The following PURG variants were observed in gnomAD, a reference collection of about 807,000 sequenced individuals.
The protein encoded by PURG is purine rich element binding protein G.
PURG carries 3 observed loss-of-function variants against 24.3 expected under a neutral mutation model. That is an observed-to-expected ratio of 0.12 (90% CI 0.06 to 0.32). The LOEUF (loss-of-function observed/expected upper bound fraction) is 0.32. PURG is among the 10% of genes least tolerant of loss of function. The pLI, the probability that PURG is intolerant of heterozygous loss-of-function variation, is 1.00. For synonymous variants in PURG, 180 were observed against 173.1 expected (o/e 1.04, Z -0.31); for missense variants, 371 against 439.1 (o/e 0.84, Z 1.39).
downstream of PURG, among the ~76,000 whole-genome samples, chr8:31,027,609 T>C (rs1337876957): frequency 1.3e-5 from 2 of 151,720 alleles, no homozygotes; most frequent in Non-Finnish European, 3.0e-5. Flanking sequence ...GTTTATTTTA[T>C]GGAAAATATT....
intron 1 of PURG, among the ~76,000 whole-genome samples, chr8:31,001,524 T>G (rs1810535412): frequency 6.6e-6 from 1 of 152,208 alleles, no homozygotes; most frequent in African/African-American, 2.4e-5. Flanking sequence ...TTGTCCATGT[T>G]GTGAGTACCC....
At chr8:31,020,174 G>T (rs577603981) in intron 1 of PURG, among the ~76,000 whole-genome samples, 1 of 152,290 alleles carries the variant, frequency 6.6e-6, no homozygotes, top group East Asian at 1.9e-4. Context: ...TACGTACAGA[G>T]AGGATACAGG....
chr8:31,002,559 C>CTGCA (rs2129775030), intron 1 of PURG, among the ~76,000 whole-genome samples: 1 of 152,316 alleles, frequency 6.6e-6, no homozygotes, highest in South Asian at 2.1e-4. Flanking sequence ...TCTCGGCTCA[C>CTGCA]TGCAACCTCT....
chr8:30,996,185 A>C (rs1810423756), exon 2 of PURG: 1 of 166,658 alleles, frequency 6.0e-6, no homozygotes, highest in African/African-American at 2.4e-5. Flanking sequence ...ACACTAAAGC[A>C]GTTACAGATT....
At position 31,032,854 on chromosome 8, in the gene PURG, C is replaced by T. The variant is rs767185289; in HGVS notation, c.-6-66G>A. Reference sequence around the variant, plus strand: ...GGGTGTTGAGAACAATCGCAGACGCCCCTCGGCCTGACCGCCCCGCCGCCG... The same window carrying T: ...GGGTGTTGAGAACAATCGCAGACGCTCCTCGGCCTGACCGCCCCGCCGCCG... On this transcript the variant is annotated intron_variant, in intron 1 of 1. Transcript: ENST00000523392. The surrounding 1 kb of genome is among the most constrained non-coding windows in gnomAD (Gnocchi z 5.9). 4 of 1,185,886 alleles carry T rather than the reference C, an allele frequency of 3.4e-6. No homozygotes were observed. Among genetic ancestry groups the T allele is most frequent in the Non-Finnish European group, 4.2e-6 (4 of 946,010 alleles). The allele number at this position is 1,185,886 out of a possible 1,614,324, so 73.5% of individuals were successfully genotyped here. A position where few individuals can be genotyped will look rare whatever the true frequency, so the allele number is the denominator to read the frequency against.
At chr8:31,010,114 A>T (rs978935865) in intron 1 of PURG, among the ~76,000 whole-genome samples, 2 of 152,210 alleles carry the variant, frequency 1.3e-5, no homozygotes, top group African/African-American at 2.4e-5. Context: ...TAAAAAATAA[A>T]AAAATAATAA....
intron 1 of PURG, among the ~76,000 whole-genome samples, chr8:31,001,245 C>A (rs1435435586): frequency 1.3e-5 from 2 of 152,148 alleles, no homozygotes. Context: ...AATAGCTTTT[C>A]CCTGGTAATA....
chr8:31,027,778 A>G (rs1188858118), downstream of PURG, among the ~76,000 whole-genome samples: 1 of 151,742 alleles, frequency 6.6e-6, no homozygotes, highest in Non-Finnish European at 1.5e-5. Flanking sequence ...AGCAACAGTT[A>G]TCTAGTTTTC....
At chr8:31,006,801 G>T (rs773144354) in intron 1 of PURG, among the ~76,000 whole-genome samples, 6 of 152,150 alleles carry the variant, frequency 3.9e-5, no homozygotes, top group Non-Finnish European at 7.4e-5. Flanking sequence ...CTGAATAAAC[G>T]AATGTTCTTG....
rs1219278779 is a variant in PURG, at chr8:31,024,800, C to CA, written c.864+7118dup. 3.3e-5 allele frequency among the ~76,000 whole-genome samples: 5 copies of CA among 151,352 alleles called. No individual in the cohort carries two copies. In the East Asian group the frequency reaches 7.7e-4, roughly 23 times the overall value. On this transcript the variant is annotated intron_variant, in intron 1 of 1. Transcript: ENST00000339382. ...ATTTATACCATTATTTTGATAAAGA[C>CA]AAAAAAAACAACATAAGCTTTTTTT...
chr8:31,001,803 T>A (rs1810542377), intron 1 of PURG, among the ~76,000 whole-genome samples: 1 of 152,194 alleles, frequency 6.6e-6, no homozygotes, highest in East Asian at 1.9e-4. Context: ...TAGGGTAGTA[T>A]TACTCACTCT....
intron 1 of PURG, among the ~76,000 whole-genome samples, chr8:31,022,794 T>A (rs1005568992): frequency 6.6e-6 from 1 of 152,222 alleles, no homozygotes; most frequent in African/African-American, 2.4e-5. Context: ...ATCATTGGAA[T>A]AAACCACATT....
intron 1 of PURG, among the ~76,000 whole-genome samples, chr8:30,999,514 G>A (rs1423070647): frequency 6.6e-6 from 1 of 151,826 alleles, no homozygotes; most frequent in Non-Finnish European, 1.5e-5. Context: ...GGAATTACCA[G>A]TAGGAAAAAA....
chr8:31,020,430 TTAGG>T (rs1338114571), intron 1 of PURG, among the ~76,000 whole-genome samples: 2 of 152,198 alleles, frequency 1.3e-5, no homozygotes, highest in East Asian at 3.8e-4. Flanking sequence ...TTAATAATTC[TTAGG>T]TAGAGAAATT....
intron 1 of PURG, among the ~76,000 whole-genome samples, chr8:31,010,769 A>G (rs945783217): frequency 6.6e-6 from 1 of 152,202 alleles, no homozygotes; most frequent in Admixed American, 6.5e-5. Context: ...CAGGAGTTTC[A>G]TCAGGGTAAA....
intron 1 of PURG, among the ~76,000 whole-genome samples, chr8:31,019,665 G>GA (rs1475451496): frequency 6.7e-6 from 1 of 149,186 alleles, no homozygotes; most frequent in Non-Finnish European, 1.5e-5. Context: ...TTTGTGAGAT[G>GA]GAGTCTCACT....
In PURG at chr8:31,012,287, T is replaced by G. The variant is rs16877639; in HGVS notation, c.865-15590A>C. The stretch of plus-strand genomic sequence containing the variant: ...AAAAAATCTCTTGGAACTGGAAGAA[T>G]TGCCTCTTTAAAACTTTTGTGTACA... On this transcript the variant is annotated intron_variant, in intron 1 of 1. Transcript: ENST00000339382. Among the ~76,000 whole-genome samples, 759 of 152,336 alleles carry G rather than the reference T, an allele frequency of 5.0e-3. 9 individuals carry two copies. The highest frequency in any genetic ancestry group is 0.017 in the African/African-American group (717 of 41,574).
intron 1 of PURG, among the ~76,000 whole-genome samples, chr8:31,023,661 A>T (rs1364007115): frequency 5.3e-5 from 8 of 151,696 alleles, no homozygotes; most frequent in Non-Finnish European, 8.8e-5. Context: ...TCTTAAGGCT[A>T]AAAAAAACCC....
intron 1 of PURG, among the ~76,000 whole-genome samples, chr8:31,021,085 A>G (rs1240740495): frequency 6.6e-6 from 1 of 152,176 alleles, no homozygotes; most frequent in East Asian, 1.9e-4. Context: ...GAATTAAGAG[A>G]AAGAGGAGGA....
Sources: gnomAD v4.1 joint callset for allele counts (sites outside exome capture counted in the v4.1 genomes callset) on GRCh38, gnomAD v4.1.1 for gene constraint, Gnocchi (gnomAD v3.1) non-coding constraint, MANE v1.5 for transcripts, NCBI Gene and HGNC (gene_info 2026-07-23, HGNC 2026-07-21) for gene names.